MAMLD1: variants seen among roughly 807,000 people sequenced by gnomAD.
MAMLD1 encodes mastermind like domain containing 1, also known as mastermind-like domain-containing protein 1.
Under a neutral mutation model 45.0 loss-of-function variants are expected in MAMLD1, and 14 were observed. The ratio of observed to expected loss-of-function variants is 0.31; its 90% CI spans 0.21 to 0.49. The LOEUF is 0.49. Among genes scored for constraint, MAMLD1 ranks in the 20% least tolerant of loss-of-function variants. The probability of loss-of-function intolerance (pLI) is 0.99; values close to 1 mark genes in which losing one functional copy is unlikely to be tolerated. For synonymous variants in MAMLD1, 254 were observed against 247.8 expected (o/e 1.02, Z -0.24); for missense variants, 543 against 603.6 (o/e 0.90, Z 1.05).
chrX:150,388,295 G>A (rs782216603), intron 1 of MAMLD1, among the ~76,000 whole-genome samples: 1 of 111,771 alleles, frequency 8.9e-6, no homozygotes, highest in Non-Finnish European at 1.9e-5. Context: ...TTCATGAGGG[G>A]TTTTGGTCTG....
rs1008709500 is a variant in MAMLD1, at chrX:150,505,020, G to C, written c.2284+1503G>C. 5 of 750,434 alleles carry C rather than the reference G, an allele frequency of 6.7e-6. No individual in the cohort carries two copies. In the Admixed American group the frequency reaches 4.4e-4, roughly 66 times the overall value. 61.8% of individuals were successfully genotyped at this position (750,434 alleles called of 1,213,427 possible). A position where few individuals can be genotyped will look rare whatever the true frequency, so the allele number is the denominator to read the frequency against. ...CAGCATCTAAACCAAGTTCTTCCCAGACCGGCCAAGACTGAGGAGGAGTCA... is the reference window on the plus strand; with the variant it reads ...CAGCATCTAAACCAAGTTCTTCCCACACCGGCCAAGACTGAGGAGGAGTCA... On this transcript the variant is annotated intron_variant, in intron 6 of 7. Transcript: ENST00000370401.
intron 1 of MAMLD1, among the ~76,000 whole-genome samples, chrX:150,389,617 A>T (rs1362431128): frequency 1.8e-5 from 2 of 112,187 alleles, no homozygotes; most frequent in African/African-American, 6.5e-5. Flanking sequence ...CTGTTGCTGG[A>T]TGGAGTGTTC....
chrX:150,504,770 G>T, intron 6 of MAMLD1: 1 of 751,325 alleles, frequency 1.3e-6, no homozygotes, highest in Non-Finnish European at 1.6e-6. Context: ...CAGTGAAGTG[G>T]CAGAGCAGAT....
rs1930569322 is a variant in MAMLD1 at position 150,408,932 on chromosome X, G to C, written c.-63-36522G>C. ...GGAGAAAGGAAATAAGATAGGGAGT[G>C]GCAAAGGAAAAAACTTAAAGCTATG... On this transcript the variant is annotated intron_variant, in intron 1 of 7. Coordinates refer to ENST00000370401, the MANE Select transcript of MAMLD1 (RefSeq NM_005491.5). Among the ~76,000 whole-genome samples the C allele has an allele frequency of 7.1e-5, 8 of 111,915 alleles. No homozygotes were observed. In the South Asian group the frequency reaches 3.0e-3, roughly 42 times the overall value.
intron 1 of MAMLD1, among the ~76,000 whole-genome samples, chrX:150,402,432 G>A (rs1164648142): frequency 9.1e-6 from 1 of 109,621 alleles, no homozygotes; most frequent in Admixed American, 9.7e-5. Flanking sequence ...ACAGGTGCTG[G>A]AGAGGATGTG....
In MAMLD1 at chrX:150,417,058, G is replaced by C. The variant is rs1557402528; in HGVS notation, c.-63-28396G>C. 1.7e-4 allele frequency among the ~76,000 whole-genome samples: 19 copies of C among 108,728 alleles called. No homozygotes were observed. In the East Asian group the frequency reaches 4.9e-3, roughly 28 times the overall value. 94.4% of individuals were successfully genotyped at this position (108,728 alleles called of 115,157 possible). ...AAGTTTTAGGGTACATGTTCACATT[G>C]TGCAGGTTAGTTACATATGTATACA... On this transcript the variant is annotated intron_variant, in intron 1 of 7. Coordinates refer to ENST00000370401, the MANE Select transcript of MAMLD1 (RefSeq NM_005491.5).
At chrX:150,365,603 G>A (rs782228134) in intron 1 of MAMLD1, among the ~76,000 whole-genome samples, 16 of 113,441 alleles carry the variant, frequency 1.4e-4, no homozygotes, top group African/African-American at 4.8e-4. Flanking sequence ...CGGTGGCTAA[G>A]ACGGAGGCGG....
chrX:150,407,900 G>A (rs1471562724), intron 1 of MAMLD1, among the ~76,000 whole-genome samples: 1 of 112,275 alleles, frequency 8.9e-6, no homozygotes, highest in African/African-American at 3.2e-5. Context: ...AAGGTAGCAT[G>A]TGTGTGTTGA....
At chrX:150,486,593 C>T (rs982294205) in intron 5 of MAMLD1, among the ~76,000 whole-genome samples, 1 of 111,509 alleles carries the variant, frequency 9.0e-6, no homozygotes, top group Non-Finnish European at 1.9e-5. Flanking sequence ...TTCATACACA[C>T]CTTCCTTCCC....
intron 3 of MAMLD1, among the ~76,000 whole-genome samples, chrX:150,466,029 G>T (rs782604190): frequency 7.1e-5 from 8 of 112,578 alleles, no homozygotes; most frequent in Non-Finnish European, 9.4e-5. Flanking sequence ...AAACCTCAGC[G>T]GCATCAGCCA....
intron 5 of MAMLD1, among the ~76,000 whole-genome samples, chrX:150,489,746 T>C (rs781956482): frequency 1.1e-4 from 12 of 109,811 alleles, no homozygotes; most frequent in Admixed American, 3.9e-4. Context: ...CTCCTTTTTG[T>C]CTGCTTAGGT....
intron 4 of MAMLD1, among the ~76,000 whole-genome samples, chrX:150,473,022 T>C (rs1251561787): frequency 8.9e-6 from 1 of 112,545 alleles, no homozygotes; most frequent in Non-Finnish European, 1.9e-5. Flanking sequence ...GACCTGATCA[T>C]GTTTTACACT....
intron 1 of MAMLD1, among the ~76,000 whole-genome samples, chrX:150,373,240 C>T (rs1264125163): frequency 1.8e-5 from 2 of 111,722 alleles, no homozygotes; most frequent in East Asian, 2.8e-4. Context: ...TTTATCCCCA[C>T]CTTCCCAAAC....
chrX:150,368,772 C>A (rs1557400879), intron 1 of MAMLD1, among the ~76,000 whole-genome samples: 1 of 112,252 alleles, frequency 8.9e-6, no homozygotes, highest in East Asian at 2.8e-4. Context: ...TTTCAGCTTT[C>A]TACATATGGC....
intron 2 of MAMLD1, among the ~76,000 whole-genome samples, chrX:150,461,420 G>T (rs1226922461): frequency 8.9e-6 from 1 of 112,635 alleles, no homozygotes; most frequent in Non-Finnish European, 1.9e-5. Context: ...CACTGGTCTT[G>T]TCACTCCCTA....
At chrX:150,495,148 G>A (rs1051090791) in intron 5 of MAMLD1, among the ~76,000 whole-genome samples, 1 of 111,719 alleles carries the variant, frequency 9.0e-6, no homozygotes, top group Non-Finnish European at 1.9e-5. Flanking sequence ...GAAGGTTGTG[G>A]TGAGCTGAGA....
chrX:150,398,983 C>T (rs910999407), intron 1 of MAMLD1, among the ~76,000 whole-genome samples: 15 of 112,320 alleles, frequency 1.3e-4, no homozygotes, highest in African/African-American at 4.5e-4. Flanking sequence ...CCTCTCTGTG[C>T]TAGGTACTGT....
intron 5 of MAMLD1, among the ~76,000 whole-genome samples, chrX:150,476,032 C>T (rs1557406846): frequency 8.9e-6 from 1 of 112,131 alleles, no homozygotes; most frequent in East Asian, 2.8e-4. Flanking sequence ...CCAGAGTCAA[C>T]TTTTGCCCCC....
intron 5 of MAMLD1, among the ~76,000 whole-genome samples, chrX:150,494,773 G>C (rs2037314673): frequency 9.0e-6 from 1 of 111,100 alleles, no homozygotes; most frequent in African/African-American, 3.3e-5. Flanking sequence ...CCAGCTACCT[G>C]GGAAGCTGAG....
Sources: allele counts gnomAD v4.1 joint callset (sites outside exome capture counted in the v4.1 genomes callset), GRCh38; gene constraint gnomAD v4.1.1; transcripts MANE v1.5; gene names NCBI Gene and HGNC (gene_info 2026-07-23, HGNC 2026-07-21).